COL18A1: variants seen among roughly 807,000 people sequenced by gnomAD.
The protein encoded by COL18A1 is collagen type XVIII alpha 1 chain.
A neutral mutation model predicts 168.0 loss-of-function variants in COL18A1; 133 were observed. The ratio of observed to expected loss-of-function variants is 0.79; its 90% confidence interval spans 0.69 to 0.91. The LOEUF (loss-of-function observed/expected upper bound fraction) is 0.91, where lower values mean the gene tolerates loss of function less well. Ranked by LOEUF, COL18A1 falls within the 40% of genes least tolerant of loss-of-function variation. The probability of loss-of-function intolerance (pLI) is 0.00; values close to 1 mark genes in which losing one functional copy is unlikely to be tolerated. For synonymous variants in COL18A1, 949 were observed against 809.0 expected, an observed-to-expected ratio of 1.17 and a Z score of -2.94; for missense variants, 2,126 against 1,925.4, an observed-to-expected ratio of 1.10 and a Z score of -1.95.
At chr21:45,411,853 G>A (rs1461333953) in intron 2 of COL18A1, among the ~76,000 whole-genome samples, 3 of 151,742 alleles carry the variant, frequency 2.0e-5, no homozygotes, top group East Asian at 4.0e-4. Context: ...ACACAGCTCT[G>A]CGGCCCAAAC....
rs979378871 is a variant in COL18A1 at position 45,421,836 on chromosome 21, C to T, written c.106+16363C>T. On this transcript the variant is annotated intron_variant, in intron 2 of 41. Transcript: ENST00000651438. Reference sequence around the variant, plus strand: ...CAGGGCCCTGTGACAGGACACAGCCCGGGGTCCCCCAGGGCCAGTTGCACC... The same window carrying T: ...CAGGGCCCTGTGACAGGACACAGCCTGGGGTCCCCCAGGGCCAGTTGCACC... Among the ~76,000 whole-genome samples the T allele has an allele frequency of 3.3e-5, 5 of 152,044 alleles. No homozygotes were observed. The South Asian group carries it at 6.2e-4, about 19-fold the overall frequency.
intron 7 of COL18A1, 22 bp downstream of exon 7, chr21:45,477,509 CCTGAACCATT>C (rs781334297): frequency 1.3e-6 from 2 of 1,591,962 alleles, no homozygotes; most frequent in Non-Finnish European, 1.7e-6. Flanking sequence ...TCCCTGTGCT[CCTGAACCATT>C]CTGAACCAGA....
intron 36 of COL18A1, 141 bp from the exon 37 acceptor site, chr21:45,505,697 C>T (rs1690287019): frequency 4.1e-6 from 3 of 737,414 alleles, no homozygotes; most frequent in African/African-American, 1.7e-5. Flanking sequence ...CCATGGTGCT[C>T]ATGGGGGCAG....
intron 29 of COL18A1, chr21:45,495,946 A>G (rs974413361): frequency 1.9e-5 from 6 of 322,918 alleles, no homozygotes; most frequent in African/African-American, 4.3e-5. Flanking sequence ...GCACATGTAT[A>G]CTCATGCACA....
intron 13 of COL18A1, 107 bp downstream of exon 13, chr21:45,480,965 G>T: frequency 6.9e-7 from 1 of 1,452,698 alleles, no homozygotes; most frequent in South Asian, 1.2e-5. Context: ...CCCAGTCCCC[G>T]CCTCCTCACC....
At chr21:45,487,092 G>T in intron 16 of COL18A1, 100 bp downstream of exon 16, 1 of 1,215,008 alleles carries the variant, frequency 8.2e-7, no homozygotes, top group Non-Finnish European at 1.1e-6. Flanking sequence ...CACGTCCTGG[G>T]CGGTGGCCTT....
At chr21:45,476,825 G>A (rs539442137) in intron 6 of COL18A1, among the ~76,000 whole-genome samples, 5 of 151,450 alleles carry the variant, frequency 3.3e-5, no homozygotes, top group Admixed American at 3.3e-4. Context: ...GGTGTGCAGT[G>A]CATGTTGTGT....
intron 2 of COL18A1, among the ~76,000 whole-genome samples, chr21:45,459,949 T>C (rs1177534213): frequency 6.6e-6 from 1 of 152,122 alleles, no homozygotes; most frequent in Admixed American, 6.5e-5. Flanking sequence ...ACACCCCTCC[T>C]GAGCTCTCAC....
rs763512330 is a variant in COL18A1 at position 45,476,374 on chromosome 21, C to T, written c.822C>T (p.Leu274=). The T allele has an allele frequency of 1.0e-4, 165 of 1,613,998 alleles. No homozygotes were observed. The highest frequency in any genetic ancestry group is 1.3e-4 in the Non-Finnish European group (159 of 1,180,022). ...EETGAALKPR[L]PAPPPVTTPP... is the part of the protein sequence containing the mutation. ...AGGGCGCGGCCCTAAAACCCAGGCT[C>T]CCCGCGCCACCCCCCGTCACCACGC... The change falls in exon 6 of 42, where the codon CTC becomes CTT. Residue 274 remains leucine (L), a synonymous_variant. Transcript: ENST00000651438.
intron 31 of COL18A1, among the ~76,000 whole-genome samples, chr21:45,497,394 G>T (rs2036579251): frequency 6.6e-6 from 1 of 152,236 alleles, no homozygotes; most frequent in Non-Finnish European, 1.5e-5. Flanking sequence ...GTGCCCTGCA[G>T]GTGTGGCCTG....
At chr21:45,467,843 G>C (rs951326440) in intron 2 of COL18A1, among the ~76,000 whole-genome samples, 41 of 152,178 alleles carry the variant, frequency 2.7e-4, no homozygotes, top group Admixed American at 2.6e-3. Flanking sequence ...GTGCCGGCCA[G>C]TCCCTGGTCC....
chr21:45,412,549 A>G (rs1369192445), intron 2 of COL18A1, among the ~76,000 whole-genome samples: 1 of 152,046 alleles, frequency 6.6e-6, no homozygotes, highest in Non-Finnish European at 1.5e-5. Flanking sequence ...GCCATGGGGT[A>G]TATTTCTTAA....
chr21:45,510,920 A>T (rs1478491701), intron 40 of COL18A1, among the ~76,000 whole-genome samples, 191 bp from the exon 41 acceptor site: 6 of 150,420 alleles, frequency 4.0e-5, no homozygotes, highest in African/African-American at 1.5e-4. Flanking sequence ...GGGGCTGCAG[A>T]ACCCCACCCC....
In COL18A1 at chr21:45,512,256, C is replaced by T. The variant is rs779904620; in HGVS notation, c.3878C>T (p.Thr1293Met). ...GRRLTESYCE[T>M]WRTEAPSATG... Reference sequence around the variant, plus strand: ...AGGCTGACCGAGAGCTACTGTGAGACGTGGCGGACGGAGGCTCCCTCGGCC... The same window carrying T: ...AGGCTGACCGAGAGCTACTGTGAGATGTGGCGGACGGAGGCTCCCTCGGCC... The change falls in exon 42 of 42, where the codon ACG (threonine) becomes ATG (methionine). Residue 1293 changes from threonine to methionine, a missense_variant. Transcript: ENST00000651438. 1.6e-5 allele frequency: 26 copies of T among 1,611,908 alleles called. No homozygotes were observed. Among genetic ancestry groups the T allele is most frequent in the Middle Eastern group, 1.6e-4 (1 of 6,082 alleles).
At chr21:45,414,939 G>A (rs886740038) in intron 2 of COL18A1, among the ~76,000 whole-genome samples, 1 of 152,036 alleles carries the variant, frequency 6.6e-6, no homozygotes, top group Non-Finnish European at 1.5e-5. Flanking sequence ...GGCAGGACAG[G>A]GAGAGGAGGG....
intron 40 of COL18A1, among the ~76,000 whole-genome samples, chr21:45,510,679 TCTGTGGCCCCTTTTCGTGCACTGGG>T: frequency 1.3e-5 from 2 of 152,304 alleles, no homozygotes; most frequent in African/African-American, 4.8e-5. Flanking sequence ...GTGGCTTTAT[TCTGTGGCCCCTTTTCGTGCACTGGG>T]CTGTGGCTTC....
chr21:45,445,760 T>C (rs2034490750), intron 2 of COL18A1, among the ~76,000 whole-genome samples: 1 of 152,244 alleles, frequency 6.6e-6, no homozygotes, highest in South Asian at 2.1e-4. Context: ...TTTGGAGAAA[T>C]GTCTATTCCG....
intron 16 of COL18A1, 63 bp downstream of exon 16, chr21:45,487,055 AC>A: frequency 1.4e-6 from 2 of 1,418,460 alleles, no homozygotes; most frequent in Non-Finnish European, 1.9e-6. Context: ...CAGCCCTACT[AC>A]CCCTGGCATC....
chr21:45,432,073 C>G (rs928168946), intron 2 of COL18A1, among the ~76,000 whole-genome samples: 3 of 152,112 alleles, frequency 2.0e-5, no homozygotes, highest in African/African-American at 7.2e-5. Context: ...GTGCCCACCT[C>G]GGTCCCCACT....
Sources: gnomAD v4.1 joint callset for allele counts (sites outside exome capture counted in the v4.1 genomes callset) on GRCh38, gnomAD v4.1.1 for gene constraint, MANE v1.5 for transcripts, NCBI Gene and HGNC (gene_info 2026-07-23, HGNC 2026-07-21) for gene names.